Variants in NKAIN3 observed in about 807,000 individuals in gnomAD.
NKAIN3 encodes the protein sodium/potassium transporting ATPase interacting 3, also known as sodium/potassium-transporting ATPase subunit beta-1-interacting protein 3.
In NKAIN3, 25 loss-of-function variants were observed where a neutral mutation model predicts 30.2. The observed-to-expected ratio is 0.83, with a 90% confidence interval of 0.60 to 1.16. The LOEUF is 1.16. Among genes scored for constraint, NKAIN3 ranks in the 50% most tolerant of loss-of-function variants. The pLI, the probability that NKAIN3 is intolerant of heterozygous loss-of-function variation, is 0.00. For synonymous variants in NKAIN3, 91 were observed against 89.6 expected (o/e 1.02, Z -0.09); for missense variants, 225 against 254.1 (o/e 0.89, Z 0.78).
intron 4 of NKAIN3, among the ~76,000 whole-genome samples, chr8:62,878,468 C>A (rs958256069): frequency 6.6e-6 from 1 of 151,966 alleles, no homozygotes. Context: ...ACCTCTACCC[C>A]CTAAGAGAGA....
intron 3 of NKAIN3, among the ~76,000 whole-genome samples, chr8:62,694,222 C>T (rs11998411): frequency 0.13 from 20,089 of 152,046 alleles, 3,528 homozygotes; most frequent in African/African-American, 0.4. Context: ...CCAAATTCTC[C>T]TCATTCATTC....
intron 3 of NKAIN3, among the ~76,000 whole-genome samples, chr8:62,633,201 C>T (rs954334611): frequency 3.3e-5 from 5 of 152,104 alleles, no homozygotes; most frequent in Admixed American, 6.5e-5. Flanking sequence ...ATTCGCACCT[C>T]GCAGGACTGT....
At chr8:62,667,363 A>ATATATAAATATATATATG (rs1813154309) in intron 3 of NKAIN3, among the ~76,000 whole-genome samples, 2 of 53,402 alleles carry the variant, frequency 3.7e-5, no homozygotes, top group African/African-American at 2.1e-4. Context: ...ATATATCTGT[A>ATATATAAATATATATATG]TATATATATA....
At chr8:62,796,383 CAAAAAAAAA>C (rs71255362) in intron 4 of NKAIN3, among the ~76,000 whole-genome samples, 123 of 53,748 alleles carry the variant, frequency 2.3e-3, no homozygotes, top group Non-Finnish European at 3.2e-3. Flanking sequence ...GACTCTGTCT[CAAAAAAAAA>C]AAAAAAAAAA....
In NKAIN3 at chr8:62,765,081, A is replaced by C. The variant is rs1463406331; in HGVS notation, c.471+17952A>C. On this transcript the variant is annotated intron_variant, in intron 4 of 6. Coordinates refer to ENST00000623646, the MANE Select transcript of NKAIN3 (RefSeq NM_001304533.3). ...AATATAGTGAAACCTCGTCTGTACT[A>C]AAGATACCAAACAAAATTAGCTGTA... Among the ~76,000 whole-genome samples, 7 of 151,928 alleles carry C rather than the reference A, an allele frequency of 4.6e-5. No individual in the cohort carries two copies. The East Asian group carries it at 1.4e-3, about 29-fold the overall frequency.
intron 1 of NKAIN3, among the ~76,000 whole-genome samples, chr8:62,307,483 C>G (rs1814285919): frequency 6.7e-6 from 1 of 149,998 alleles, no homozygotes; most frequent in African/African-American, 2.5e-5. Context: ...GTGCGTCAGA[C>G]ACTTTACTAA....
At chr8:62,498,554 G>A (rs1287650488) in intron 1 of NKAIN3, among the ~76,000 whole-genome samples, 1 of 151,710 alleles carries the variant, frequency 6.6e-6, no homozygotes, top group Non-Finnish European at 1.5e-5. Flanking sequence ...TAATCTCATT[G>A]GCTAAAGCAA....
intron 4 of NKAIN3, among the ~76,000 whole-genome samples, chr8:62,764,867 C>T (rs1011745888): frequency 3.3e-5 from 5 of 152,130 alleles, no homozygotes; most frequent in African/African-American, 1.2e-4. Context: ...ATGGAATTAA[C>T]TATCAGAAGG....
chr8:62,652,295 A>G (rs1375202335), intron 3 of NKAIN3, among the ~76,000 whole-genome samples: 1 of 152,180 alleles, frequency 6.6e-6, no homozygotes, highest in Non-Finnish European at 1.5e-5. Context: ...TTTATGTGAT[A>G]TTATCTCAAT....
At chr8:62,327,027 A>G (rs1038551564) in intron 1 of NKAIN3, among the ~76,000 whole-genome samples, 3 of 151,928 alleles carry the variant, frequency 2.0e-5, no homozygotes, top group Non-Finnish European at 4.4e-5. Context: ...CCTAATGGTG[A>G]TATCTCATTA....
chr8:62,423,804 A>G (rs552222125), intron 1 of NKAIN3, among the ~76,000 whole-genome samples: 1 of 152,064 alleles, frequency 6.6e-6, no homozygotes, highest in South Asian at 2.1e-4. Flanking sequence ...TTAGCTCCCC[A>G]TGACTAATTC....
At chr8:62,737,446 C>T (rs924390973) in intron 3 of NKAIN3, among the ~76,000 whole-genome samples, 1 of 152,190 alleles carries the variant, frequency 6.6e-6, no homozygotes, top group African/African-American at 2.4e-5. Flanking sequence ...CCCTGAAAAA[C>T]TGTTGCCATG....
chr8:62,416,035 C>A (rs1274287483), intron 1 of NKAIN3, among the ~76,000 whole-genome samples: 2 of 152,078 alleles, frequency 1.3e-5, no homozygotes, highest in South Asian at 2.1e-4. Context: ...GGATTACAGG[C>A]GTGAGCCACC....
At chr8:62,951,680 C>T (rs1823289102) in intron 5 of NKAIN3, among the ~76,000 whole-genome samples, 1 of 152,094 alleles carries the variant, frequency 6.6e-6, no homozygotes, top group African/African-American at 2.4e-5. Flanking sequence ...CCCAGCTGGC[C>T]TCAAACTCCT....
intron 1 of NKAIN3, among the ~76,000 whole-genome samples, chr8:62,430,953 C>A (rs933044486): frequency 4.6e-5 from 7 of 151,806 alleles, no homozygotes; most frequent in African/African-American, 1.7e-4. Flanking sequence ...GTATTATAGG[C>A]ATAGGGTCCA....
intron 1 of NKAIN3, among the ~76,000 whole-genome samples, chr8:62,333,426 A>T (rs4738954): frequency 0.022 from 3,398 of 152,218 alleles, 88 homozygotes; most frequent in Admixed American, 0.057. Flanking sequence ...TTTAATAGTA[A>T]TAGGGCAATA....
In NKAIN3 at chr8:62,965,709, G is replaced by A; in HGVS notation, c.*302G>A. ...GCATGCAAAATGAAAAAGCAAATCTGTGAAAACCTTCTACAGTCAATTCTA... is the reference window on the plus strand; with the variant it reads ...GCATGCAAAATGAAAAAGCAAATCTATGAAAACCTTCTACAGTCAATTCTA... On this transcript the variant is annotated 3_prime_UTR_variant, in exon 7 of 7. Coordinates refer to ENST00000623646, the MANE Select transcript of NKAIN3 (RefSeq NM_001304533.3). The A allele has an allele frequency of 8.1e-6, 8 of 983,614 alleles. No individual in the cohort carries two copies. The highest frequency in any genetic ancestry group is 9.7e-6 in the Non-Finnish European group (8 of 828,766). The allele number at this position is 983,614 out of a possible 1,614,324, so 60.9% of individuals were successfully genotyped here.
At chr8:62,997,418 T>G (rs202198909) in intron 5 of NKAIN3, among the ~76,000 whole-genome samples, 1 of 152,022 alleles carries the variant, frequency 6.6e-6, no homozygotes, top group Non-Finnish European at 1.5e-5. Context: ...AAAAAAATGT[T>G]GGGTTTGTTT....
At chr8:62,375,595 T>C (rs1299377441) in intron 1 of NKAIN3, among the ~76,000 whole-genome samples, 2 of 152,208 alleles carry the variant, frequency 1.3e-5, no homozygotes, top group Non-Finnish European at 2.9e-5. Flanking sequence ...TATTTAGGAC[T>C]GTCAAATGTT....
Sources: gnomAD v4.1 joint callset for allele counts (sites outside exome capture counted in the v4.1 genomes callset) on GRCh38, gnomAD v4.1.1 for gene constraint, MANE v1.5 for transcripts, NCBI Gene and HGNC (gene_info 2026-07-23, HGNC 2026-07-21) for gene names.